RARB: variants seen among roughly 807,000 people sequenced by gnomAD.
RARB encodes the protein retinoic acid receptor beta.
Under a neutral mutation model 51.9 loss-of-function variants are expected in RARB, and 17 were observed. That is an observed-to-expected ratio of 0.33 (90% CI 0.22 to 0.49). The LOEUF (loss-of-function observed/expected upper bound fraction) is 0.49, where lower values mean the gene tolerates loss of function less well. RARB is among the 20% of genes least tolerant of loss of function. The pLI, the probability that RARB is intolerant of heterozygous loss-of-function variation, is 0.99. For missense variants in RARB, 369 were observed against 550.8 expected (o/e 0.67, Z 3.30); for synonymous variants, 215 against 195.4 (o/e 1.10, Z -0.84).
intron 1 of RARB, among the ~76,000 whole-genome samples, chr3:24,831,060 C>G (rs541618068): frequency 6.6e-6 from 1 of 152,228 alleles, no homozygotes; most frequent in African/African-American, 2.4e-5. Context: ...TTTGACACAT[C>G]TTTGCAGCAC....
chr3:25,449,521 C>T (rs1329388953), intron 1 of RARB, among the ~76,000 whole-genome samples: 1 of 152,166 alleles, frequency 6.6e-6, no homozygotes, highest in Non-Finnish European at 1.5e-5. Flanking sequence ...CTGCCAGGGA[C>T]AGCTGCTTGT....
chr3:25,075,761 G>A (rs1275742939), intron 3 of RARB, among the ~76,000 whole-genome samples: 1 of 152,076 alleles, frequency 6.6e-6, no homozygotes, highest in African/African-American at 2.4e-5. Context: ...ACACTGTTTT[G>A]GAGTTACTTG....
At chr3:25,119,981 G>A (rs1363532204) in intron 3 of RARB, among the ~76,000 whole-genome samples, 1 of 152,106 alleles carries the variant, frequency 6.6e-6, no homozygotes, top group Non-Finnish European at 1.5e-5. Flanking sequence ...CACAAGGAGA[G>A]TTTAGAGTGC....
intron 3 of RARB, among the ~76,000 whole-genome samples, chr3:25,077,361 G>A (rs543654661): frequency 2.0e-5 from 3 of 151,962 alleles, no homozygotes; most frequent in South Asian, 2.1e-4. Context: ...TTCTTCCTCC[G>A]TTCTCCTCCC....
chr3:25,104,983 G>C (rs914472206), intron 3 of RARB, among the ~76,000 whole-genome samples: 20 of 152,108 alleles, frequency 1.3e-4, no homozygotes, highest in Admixed American at 1.3e-3. Flanking sequence ...GGTCACGAGT[G>C]CTTGTGAAAA....
intron 5 of RARB, among the ~76,000 whole-genome samples, chr3:25,220,711 G>T (rs1335176213): frequency 6.6e-6 from 1 of 152,104 alleles, no homozygotes; most frequent in Non-Finnish European, 1.5e-5. Context: ...GTTTCCTGAG[G>T]CCTCCCAAGC....
chr3:25,300,763 G>A (rs1012853818), intron 5 of RARB, among the ~76,000 whole-genome samples: 1 of 152,148 alleles, frequency 6.6e-6, no homozygotes, highest in Non-Finnish European at 1.5e-5. Flanking sequence ...GCCGAGGCGG[G>A]CGGATTGCCT....
intron 1 of RARB, among the ~76,000 whole-genome samples, chr3:25,432,731 A>C (rs982166800): frequency 1.3e-5 from 2 of 152,246 alleles, no homozygotes; most frequent in Non-Finnish European, 2.9e-5. Flanking sequence ...AGATATCATT[A>C]AACTCTATCT....
intron 5 of RARB, among the ~76,000 whole-genome samples, chr3:25,330,104 G>A (rs900171918): frequency 1.3e-5 from 2 of 152,096 alleles, no homozygotes; most frequent in African/African-American, 4.8e-5. Context: ...GGATATTAAT[G>A]AGAAGAGCTT....
intron 1 of RARB, among the ~76,000 whole-genome samples, chr3:24,855,189 TGTG>T (rs751921875): frequency 6.6e-6 from 1 of 152,118 alleles, no homozygotes; most frequent in Non-Finnish European, 1.5e-5. Context: ...TTTTAAATAA[TGTG>T]GTCATAGAAG....
chr3:25,537,329 A>C (rs1699181762), intron 3 of RARB, among the ~76,000 whole-genome samples: 1 of 152,130 alleles, frequency 6.6e-6, no homozygotes, highest in African/African-American at 2.4e-5. Context: ...AATTACTTCA[A>C]CTGTATATAG....
At chr3:25,457,660 C>T (rs145838252) in intron 1 of RARB, among the ~76,000 whole-genome samples, 373 of 152,286 alleles carry the variant, frequency 2.4e-3, no homozygotes, top group African/African-American at 8.4e-3. Context: ...TTAAATTATG[C>T]ACAATTTTGT....
At chr3:25,570,050 T>C in intron 4 of RARB, 132 bp downstream of exon 4, 1 of 1,311,806 alleles carries the variant, frequency 7.6e-7, no homozygotes, top group Non-Finnish European at 1.0e-6. Flanking sequence ...GGGGCTTGCA[T>C]GCTAGCCAGC....
chr3:25,056,801 T>C (rs1487793386), intron 2 of RARB, among the ~76,000 whole-genome samples: 1 of 152,172 alleles, frequency 6.6e-6, no homozygotes, highest in East Asian at 1.9e-4. Context: ...CAAAATATAA[T>C]GTTGTCTCTT....
intron 2 of RARB, among the ~76,000 whole-genome samples, chr3:24,862,516 C>A (rs904232387): frequency 1.7e-4 from 26 of 152,162 alleles, no homozygotes; most frequent in African/African-American, 6.0e-4. Flanking sequence ...GCCTGTGATT[C>A]TTAGTATCAC....
chr3:25,231,847 T>C (rs1308687503), intron 5 of RARB, among the ~76,000 whole-genome samples: 1 of 152,162 alleles, frequency 6.6e-6, no homozygotes, highest in Non-Finnish European at 1.5e-5. Context: ...ACTATTTCTT[T>C]TCACTTCATA....
rs753088209 is a variant in RARB at position 25,569,837 on chromosome 3, G to C, written c.528G>C (p.Glu176Asp). The change falls in exon 4 of 8, where the codon GAG becomes GAC. Residue 176 changes from glutamate (E) to aspartate (D), a missense_variant. Glu to Asp is a conservative substitution (Grantham distance 45, BLOSUM62 2). Transcript: ENST00000330688. ...ECTESYEMTA[E>D]LDDLTEKIRK... The stretch of plus-strand genomic sequence containing the variant: ...CAGAGAGCTATGAAATGACAGCTGA[G>C]TTGGACGATCTCACAGAGAAGATCC... 11 of 1,614,110 alleles carry C rather than the reference G, an allele frequency of 6.8e-6. No homozygotes were observed. Among genetic ancestry groups the C allele is most frequent in the Non-Finnish European group, 8.5e-6 (10 of 1,180,036 alleles).
intron 3 of RARB, among the ~76,000 whole-genome samples, chr3:25,566,267 T>C (rs1700490927): frequency 6.6e-6 from 1 of 152,208 alleles, no homozygotes; most frequent in Admixed American, 6.5e-5. Flanking sequence ...TGAAGCTGTA[T>C]GTAATTGGGG....
chr3:25,543,031 A>G (rs1346067532), intron 3 of RARB, among the ~76,000 whole-genome samples: 1 of 152,182 alleles, frequency 6.6e-6, no homozygotes, highest in Non-Finnish European at 1.5e-5. Flanking sequence ...TGATTTTGCC[A>G]CTTAGGAAAC....
Sources: gnomAD v4.1 joint callset for allele counts (sites outside exome capture counted in the v4.1 genomes callset) on GRCh38, gnomAD v4.1.1 for gene constraint, MANE v1.5 for transcripts, NCBI Gene and HGNC (gene_info 2026-07-23, HGNC 2026-07-21) for gene names.